The following CCDC146 variants were observed in gnomAD, a reference collection of about 807,000 sequenced individuals.
CCDC146 encodes coiled-coil domain-containing protein 146.
A neutral mutation model predicts 119.3 loss-of-function variants in CCDC146; 92 were observed. The ratio of observed to expected loss-of-function variants is 0.77; its 90% CI spans 0.65 to 0.92. CCDC146 has a LOEUF of 0.92. Among genes scored for constraint, CCDC146 ranks in the 40% least tolerant of loss-of-function variants. The pLI is 0.00. For synonymous variants in CCDC146, 372 were observed against 371.8 expected, an observed-to-expected ratio of 1.00 and a Z score of -0.01; for missense variants, 1,000 against 1,103.0, an observed-to-expected ratio of 0.91 and a Z score of 1.32.
chr7:77,203,672 T>G (rs1405579089), intron 2 of CCDC146, among the ~76,000 whole-genome samples: 2 of 152,184 alleles, frequency 1.3e-5, no homozygotes, highest in Non-Finnish European at 2.9e-5. Flanking sequence ...CCCTTCTGGA[T>G]TCTCTCATGC....
chr7:77,199,394 C>G, intron 2 of CCDC146: 1 of 1,614,162 alleles, frequency 6.2e-7, no homozygotes, highest in East Asian at 2.2e-5. Context: ...ACCTCACTCT[C>G]TAATTCTCTA....
In CCDC146 at chr7:77,294,697, A is replaced by G. The variant is rs372248491; in HGVS notation, c.2699A>G (p.Asn900Ser). Residue 900 changes from asparagine to serine, a missense_variant, in exon 19 of 19, where the codon AAT becomes AGT. Coordinates refer to ENST00000285871, the MANE Select transcript of CCDC146 (RefSeq NM_020879.3). ...GAAGCAGATAATCGCCAGCTGCCCA[A>G]TGGTGTTTACACAACTGCAGAGCAG... is the stretch of plus-strand genomic sequence containing the variant. Reference protein sequence around the residue: ...FLEADNRQLPNGVYTTAEQRP... With the variant: ...FLEADNRQLPSGVYTTAEQRP... 48 of 1,614,098 alleles carry G rather than the reference A, an allele frequency of 3.0e-5. No individual in the cohort carries two copies. The highest frequency in any genetic ancestry group is 4.0e-5 in the African/African-American group (3 of 74,926).
intron 2 of CCDC146, among the ~76,000 whole-genome samples, chr7:77,218,594 A>G (rs891961080): frequency 6.6e-6 from 1 of 151,494 alleles, no homozygotes; most frequent in African/African-American, 2.4e-5. Context: ...TCAGATTTTT[A>G]TGGTAAAATC....
At chr7:77,247,429 A>C (rs1792974195) in intron 4 of CCDC146, among the ~76,000 whole-genome samples, 1 of 152,206 alleles carries the variant, frequency 6.6e-6, no homozygotes, top group Non-Finnish European at 1.5e-5. Flanking sequence ...GAGGTGTAGG[A>C]TCAATACCTG....
In CCDC146 at chr7:77,281,125, A is replaced by AAAG. The variant is rs1554362197; in HGVS notation, c.1919+473_1919+474insAGA. ...CTCCAAAAACAAACAAAAAAAAAAA[A>AAAG]AGAGAGAAAGAAAGAAATACCGTCC... On this transcript the variant is annotated intron_variant, in intron 14 of 18. Transcript: ENST00000285871. 6.3e-5 allele frequency among the ~76,000 whole-genome samples: 9 copies of AAAG among 143,680 alleles called. No homozygotes were observed. In the South Asian group the frequency reaches 1.3e-3, roughly 21 times the overall value. The allele number at this position is 143,680 out of a possible 152,430, so 94.3% of individuals were successfully genotyped here.
Position 77,274,553 on chromosome 7 carries a change from G to A in CCDC146, c.1341G>A (p.Glu447=), listed in dbSNP as rs1377639272. 3 of 1,612,406 alleles carry A rather than the reference G, an allele frequency of 1.9e-6. No homozygotes were observed. Among genetic ancestry groups the A allele is most frequent in the Non-Finnish European group, 2.5e-6 (3 of 1,179,040 alleles). Residue 447 remains glutamate (E), a synonymous_variant, in exon 11 of 19, where the codon GAG becomes GAA. Transcript: ENST00000285871. ...CAGAAGAAAACAAGCTTTTAAAGGA[G>A]CAAGAAAACATGAAAGAGCTAGTAG... is the stretch of plus-strand genomic sequence containing the variant. ...QLAEENKLLK[E]QENMKELVVN...
intron 1 of CCDC146, among the ~76,000 whole-genome samples, chr7:77,150,668 A>G (rs2908605): frequency 2.0e-5 from 3 of 152,140 alleles, no homozygotes; most frequent in Non-Finnish European, 4.4e-5. Flanking sequence ...AAAATTAAAT[A>G]TATGTTTAGA....
chr7:77,272,928 A>T (rs1025776125), intron 9 of CCDC146, among the ~76,000 whole-genome samples: 1 of 152,218 alleles, frequency 6.6e-6, no homozygotes, highest in African/African-American at 2.4e-5. Context: ...TACTAATCAA[A>T]TGACTATATA....
At chr7:77,239,718 AG>A (rs1325963867) in intron 3 of CCDC146, among the ~76,000 whole-genome samples, 1 of 152,234 alleles carries the variant, frequency 6.6e-6, no homozygotes, top group Non-Finnish European at 1.5e-5. Flanking sequence ...AGCTAATATA[AG>A]GGTTTCTGGG....
At chr7:77,172,035 C>A (rs1791430036) in intron 2 of CCDC146, among the ~76,000 whole-genome samples, 1 of 152,176 alleles carries the variant, frequency 6.6e-6, no homozygotes, top group Non-Finnish European at 1.5e-5. Flanking sequence ...ATAATCGTTT[C>A]AAAGAACTGT....
At chr7:77,129,966 A>G (rs150824458) in intron 1 of CCDC146, among the ~76,000 whole-genome samples, 1 of 152,072 alleles carries the variant, frequency 6.6e-6, no homozygotes, top group African/African-American at 2.4e-5. Flanking sequence ...GCATTCAACT[A>G]ACCCTATTTT....
Position 77,133,143 on chromosome 7 carries a change from C to A in CCDC146, c.-12+10411C>A, listed in dbSNP as rs1790810645. Among the ~76,000 whole-genome samples, 2 of 151,942 alleles carry A rather than the reference C, an allele frequency of 1.3e-5. 1 individual carries two copies. Among genetic ancestry groups the A allele is most frequent in the South Asian group, 4.2e-4 (2 of 4,806 alleles). On this transcript the variant is annotated intron_variant, in intron 1 of 18. Transcript: ENST00000285871. ...CCGAGATCACGCCACTGCACTCCAGCCTGAGTGACAGAGCAAGACTCCATC... is the reference window on the plus strand; with the variant it reads ...CCGAGATCACGCCACTGCACTCCAGACTGAGTGACAGAGCAAGACTCCATC...
intron 11 of CCDC146, among the ~76,000 whole-genome samples, chr7:77,276,790 G>A (rs1220198110): frequency 1.3e-5 from 2 of 152,154 alleles, no homozygotes; most frequent in Admixed American, 1.3e-4. Context: ...ATCATCTTGG[G>A]CCAGGAGCGG....
chr7:77,186,581 G>C (rs1791670385), intron 2 of CCDC146, among the ~76,000 whole-genome samples: 1 of 152,090 alleles, frequency 6.6e-6, no homozygotes, highest in African/African-American at 2.4e-5. Context: ...GGGGACTACA[G>C]TCAAAAATAA....
At position 77,273,718 on chromosome 7, in the gene CCDC146, T is replaced by G. The variant is rs760155437; in HGVS notation, c.1198T>G (p.Ser400Ala). The G allele has an allele frequency of 1.7e-5, 28 of 1,610,466 alleles. No individual in the cohort carries two copies. Among genetic ancestry groups the G allele is most frequent in the Non-Finnish European group, 2.3e-5 (27 of 1,177,770 alleles). Residue 400 changes from serine (S) to alanine (A), a missense_variant, in exon 10 of 19, where the codon TCT becomes GCT. Coordinates refer to ENST00000285871, the MANE Select transcript of CCDC146 (RefSeq NM_020879.3). ...LEMEAIPKDD[S>A]TLSERRRELH... ...GATGGAAGCTATCCCCAAAGATGATTCTACATTATCTGAGAGAAGGCGAGA... is the reference window on the plus strand; with the variant it reads ...GATGGAAGCTATCCCCAAAGATGATGCTACATTATCTGAGAGAAGGCGAGA...
chr7:77,212,397 G>A (rs542805065), intron 2 of CCDC146, among the ~76,000 whole-genome samples: 32 of 152,014 alleles, frequency 2.1e-4, no homozygotes, highest in South Asian at 1.7e-3. Flanking sequence ...CGAGGTGGGC[G>A]GATCACGAGG....
chr7:77,161,095 T>C (rs1347887491), intron 1 of CCDC146, among the ~76,000 whole-genome samples: 2 of 152,176 alleles, frequency 1.3e-5, no homozygotes, highest in Non-Finnish European at 2.9e-5. Flanking sequence ...AGATACCATC[T>C]CACACCAGTT....
At chr7:77,231,391 AC>A (rs1792624103) in intron 2 of CCDC146, among the ~76,000 whole-genome samples, 1 of 152,220 alleles carries the variant, frequency 6.6e-6, no homozygotes, top group African/African-American at 2.4e-5. Context: ...TACAGTAAGA[AC>A]AAATCTTATC....
rs534215463 is a variant in CCDC146 at position 77,164,908 on chromosome 7, G to A, written c.-11-2750G>A. Reference sequence around the variant, plus strand: ...ATCCAATGAGATTGACATGAGAAATGATACATATTCAGCAGAAGATCAGAC... The same window carrying A: ...ATCCAATGAGATTGACATGAGAAATAATACATATTCAGCAGAAGATCAGAC... On this transcript the variant is annotated intron_variant, in intron 1 of 18. Coordinates refer to ENST00000285871, the MANE Select transcript of CCDC146 (RefSeq NM_020879.3). 5.6e-3 allele frequency among the ~76,000 whole-genome samples: 857 copies of A among 152,250 alleles called. 7 individuals are homozygous for A. The highest frequency in any genetic ancestry group is 0.02 in the African/African-American group (818 of 41,558).
Sources: allele counts gnomAD v4.1 joint callset (sites outside exome capture counted in the v4.1 genomes callset), GRCh38; gene constraint gnomAD v4.1.1; transcripts MANE v1.5; gene names NCBI Gene and HGNC (gene_info 2026-07-23, HGNC 2026-07-21).